ADGRF3: variants seen among roughly 807,000 people sequenced by gnomAD.
The protein encoded by ADGRF3 is adhesion G protein-coupled receptor F3, also known as G protein-coupled receptor 113.
In ADGRF3, 85 loss-of-function variants were observed where a neutral mutation model predicts 93.2. The observed-to-expected ratio is 0.91, with a 90% CI of 0.77 to 1.09. ADGRF3 has a LOEUF of 1.09. ADGRF3 is among the 50% of genes least tolerant of loss of function. The pLI is 0.00. For synonymous variants in ADGRF3, 534 were observed against 532.5 expected, an observed-to-expected ratio of 1.00 and a Z score of -0.04; for missense variants, 1,125 against 1,246.2, an observed-to-expected ratio of 0.90 and a Z score of 1.46.
At chr2:26,334,661 C>T (rs1406971631) in intron 1 of ADGRF3, among the ~76,000 whole-genome samples, 2 of 152,180 alleles carry the variant, frequency 1.3e-5, no homozygotes, top group Non-Finnish European at 2.9e-5. Flanking sequence ...ATCTCCCCGC[C>T]ATTAAAACAC....
chr2:26,336,970 A>G (rs992455051), intron 1 of ADGRF3, among the ~76,000 whole-genome samples: 3 of 152,170 alleles, frequency 2.0e-5, no homozygotes, highest in Non-Finnish European at 4.4e-5. Flanking sequence ...ATAGTTTATG[A>G]TGACTAAAAA....
chr2:26,339,719 C>T (rs1351079521), intron 1 of ADGRF3, among the ~76,000 whole-genome samples: 1 of 150,614 alleles, frequency 6.6e-6, no homozygotes, highest in Non-Finnish European at 1.5e-5. Flanking sequence ...TATACGCCTT[C>T]TTAGAAGTTC....
At position 26,311,881 on chromosome 2, in the gene ADGRF3, C is replaced by T. The variant is rs548433225; in HGVS notation, c.1643G>A (p.Gly548Glu). The T allele has an allele frequency of 6.2e-7, 1 of 1,613,762 alleles. No individual in the cohort carries two copies. Among genetic ancestry groups the T allele is most frequent in the African/African-American group, 1.3e-5 (1 of 74,914 alleles). ...GCTGTAGTCAGCAGGAAACGTGGGT[C>T]CAAACAGCTGGCTCTGCAGCAGCAC... ...PNVLLQSQLF[G>E]PTFPADYSIS... The change falls in exon 10 of 14, where the codon GGA becomes GAA. Residue 548 changes from glycine (G) to glutamate (E), a missense_variant. Gly to Glu is a moderately conservative substitution (Grantham distance 98). Coordinates refer to ENST00000651242, the MANE Select transcript of ADGRF3 (RefSeq NM_001321971.2).
Position 26,311,237 on chromosome 2 carries a change from A to G in ADGRF3, c.2287T>C (p.Phe763Leu). 6.2e-7 allele frequency: 1 copy of G among 1,609,170 alleles called. No individual in the cohort carries two copies. Among genetic ancestry groups the G allele is most frequent in the Non-Finnish European group, 8.5e-7 (1 of 1,177,838 alleles). Residue 763 changes from phenylalanine (F) to leucine (L), a missense_variant, in exon 10 of 14, where the codon TTC becomes CTC. By Grantham distance (22) the Phe-to-Leu change is conservative. Coordinates refer to ENST00000651242, the MANE Select transcript of ADGRF3 (RefSeq NM_001321971.2). ...GGGCTTCGGGGCCCTGGAGAGAGGA[A>G]TGGGGCGCCCAGGAAGCAAGTGTCT... ...AADTCFLGAP[F>L]LSPGPRSPLC...
At chr2:26,325,469 T>C (rs1558394900) in intron 1 of ADGRF3, among the ~76,000 whole-genome samples, 1 of 152,246 alleles carries the variant, frequency 6.6e-6, no homozygotes, top group Non-Finnish European at 1.5e-5. Context: ...GTCTGGACCC[T>C]AGAATGAGAT....
intron 1 of ADGRF3, among the ~76,000 whole-genome samples, chr2:26,336,372 ATGTG>A: frequency 7.1e-6 from 1 of 140,704 alleles, no homozygotes; most frequent in South Asian, 2.3e-4. Flanking sequence ...GTGCGTGTGT[ATGTG>A]TGTCTGTTGG....
At chr2:26,327,866 TTC>T (rs1675527145) in intron 1 of ADGRF3, among the ~76,000 whole-genome samples, 3 of 152,148 alleles carry the variant, frequency 2.0e-5, no homozygotes, top group Admixed American at 2.0e-4. Flanking sequence ...CTCTGTGGTA[TTC>T]TGTTATTGCA....
At chr2:26,336,579 A>G (rs1676051683) in intron 1 of ADGRF3, among the ~76,000 whole-genome samples, 1 of 152,016 alleles carries the variant, frequency 6.6e-6, no homozygotes, top group South Asian at 2.1e-4. Flanking sequence ...TACAAAAATT[A>G]GCTGGGCGTG....
rs1224784601 is a variant in ADGRF3 at position 26,311,294 on chromosome 2, G to T, written c.2230C>A (p.Leu744Met). The T allele has an allele frequency of 5.6e-6, 9 of 1,613,898 alleles. No homozygotes were observed. Among genetic ancestry groups the T allele is most frequent in the South Asian group, 1.1e-5 (1 of 91,086 alleles). Residue 744 changes from leucine (L) to methionine (M), a missense_variant, in exon 10 of 14, where the codon CTG becomes ATG. Physicochemically the swap from Leu to Met is conservative, Grantham distance 15. Transcript: ENST00000651242. ...AGCAAGCAGAACACCATGTTGAGCA[G>T]GGCGGCGTGGCGGAAATAGGAGATC... ...NKISYFRHAA[L>M]LNMVFCLLAA...
chr2:26,326,975 G>A (rs778761573), intron 1 of ADGRF3, among the ~76,000 whole-genome samples: 4 of 152,144 alleles, frequency 2.6e-5, no homozygotes, highest in Admixed American at 6.5e-5. Context: ...TCACCATGTG[G>A]GCCAGGCTAG....
intron 1 of ADGRF3, chr2:26,318,216 C>A: frequency 2.6e-6 from 2 of 780,938 alleles, no homozygotes; most frequent in Non-Finnish European, 2.0e-6. Flanking sequence ...GTGTCACAGA[C>A]CTGAGCCCTG....
intron 1 of ADGRF3, among the ~76,000 whole-genome samples, chr2:26,319,664 C>CCTTTCTCTCTCTCTTTCCTT (rs1283905297): frequency 6.7e-6 from 1 of 150,274 alleles, no homozygotes; most frequent in African/African-American, 2.4e-5. Context: ...TTCCTTCCTT[C>CCTTTCTCTCTCTCTTTCCTT]CTTTCTCTCT....
intron 1 of ADGRF3, among the ~76,000 whole-genome samples, chr2:26,330,808 A>T (rs2147911325): frequency 6.6e-6 from 1 of 152,256 alleles, no homozygotes; most frequent in Non-Finnish European, 1.5e-5. Flanking sequence ...AGTGCATACC[A>T]GAAGAAAAAA....
chr2:26,311,211 C>A lies in ADGRF3; in HGVS notation c.2313G>T (p.Pro771=). The change falls in exon 10 of 14, where the codon CCG becomes CCT. Residue 771 remains proline (P), a synonymous_variant. Coordinates refer to ENST00000651242, the MANE Select transcript of ADGRF3 (RefSeq NM_001321971.2). ...APFLSPGPRS[P]LCLAAAFLCH... ...AGAGGAAGGCGGCAGCAAGGCAGAG[C>A]GGGCTTCGGGGCCCTGGAGAGAGGA... 1 of 1,602,502 alleles carries A rather than the reference C, an allele frequency of 6.2e-7. No homozygotes were observed. Among genetic ancestry groups the A allele is most frequent in the African/African-American group, 1.3e-5 (1 of 74,792 alleles).
chr2:26,309,191 A>C, intron 13 of ADGRF3, 84 bp from the exon 14 acceptor site: 1 of 1,613,876 alleles, frequency 6.2e-7, no homozygotes, highest in Non-Finnish European at 8.5e-7. Flanking sequence ...AAGCCCACCC[A>C]TGGCAATCCC....
At chr2:26,328,871 C>A (rs1009909985) in intron 1 of ADGRF3, among the ~76,000 whole-genome samples, 2 of 152,186 alleles carry the variant, frequency 1.3e-5, no homozygotes, top group African/African-American at 4.8e-5. Flanking sequence ...TGACTTTTTT[C>A]TCTGTCATCT....
intron 1 of ADGRF3, chr2:26,345,849 A>C: frequency 2.2e-6 from 1 of 449,986 alleles, no homozygotes. Context: ...CCGCTGGGAA[A>C]TTGACCTTTC....
At chr2:26,319,376 C>T (rs1674972589) in intron 1 of ADGRF3, among the ~76,000 whole-genome samples, 1 of 152,272 alleles carries the variant, frequency 6.6e-6, no homozygotes, top group Admixed American at 6.5e-5. Flanking sequence ...TCCCAAGGAC[C>T]TGGGAAATCT....
Position 26,310,091 on chromosome 2 carries a change from C to A in ADGRF3, c.2889G>T (p.Leu963Phe), listed in dbSNP as rs1168170094. 6.2e-7 allele frequency: 1 copy of A among 1,614,046 alleles called. No individual in the cohort carries two copies. Among genetic ancestry groups the A allele is most frequent in the Non-Finnish European group, 8.5e-7 (1 of 1,179,900 alleles). The change falls in exon 12 of 14, where the codon TTG becomes TTT. Residue 963 changes from leucine to phenylalanine, a missense_variant. Coordinates refer to ENST00000651242, the MANE Select transcript of ADGRF3 (RefSeq NM_001321971.2). ...CTTGGGCGCGGCAGAAGCGTTTGCG[C>A]AAAGCTTCTTGTATCTGCGGGAGAG... ...CLMDRKIQEA[L>F]RKRFCRAQAP...
Sources: gnomAD v4.1 joint callset for allele counts (sites outside exome capture counted in the v4.1 genomes callset) on GRCh38, gnomAD v4.1.1 for gene constraint, MANE v1.5 for transcripts, NCBI Gene and HGNC (gene_info 2026-07-23, HGNC 2026-07-21) for gene names.